SGK1: variants seen among roughly 807,000 people sequenced by gnomAD.
SGK1 encodes the protein serum/glucocorticoid regulated kinase 1.
In SGK1, 26 loss-of-function variants were observed where a neutral mutation model predicts 64.2. The ratio of observed to expected loss-of-function variants is 0.40; its 90% CI spans 0.30 to 0.56. The LOEUF (loss-of-function observed/expected upper bound fraction) is 0.56, where lower values mean the gene tolerates loss of function less well. SGK1 is among the 20% of genes least tolerant of loss of function. The pLI is 0.38. For synonymous variants in SGK1, 265 were observed against 239.7 expected (o/e 1.11, Z -0.98); for missense variants, 519 against 645.6 (o/e 0.80, Z 2.12).
chr6:134,226,609 G>A (rs947579580), intron 2 of SGK1, among the ~76,000 whole-genome samples: 4 of 151,600 alleles, frequency 2.6e-5, no homozygotes, highest in African/African-American at 7.3e-5. Flanking sequence ...TGGGAGGATC[G>A]CCTAAGCCTC....
chr6:134,251,846 C>G (rs971427844), intron 2 of SGK1, among the ~76,000 whole-genome samples: 3 of 152,118 alleles, frequency 2.0e-5, no homozygotes, highest in African/African-American at 7.2e-5. Flanking sequence ...CCTCAATCTC[C>G]CAGGCTCAAG....
At chr6:134,172,562 A>T (rs952598771) in intron 9 of SGK1, 100 bp downstream of exon 9, 5 of 891,672 alleles carry the variant, frequency 5.6e-6, no homozygotes, top group African/African-American at 3.4e-5. Flanking sequence ...TAGGCAACCA[A>T]GTTGCAAATA....
At chr6:134,257,418 A>G (rs1284735917) in intron 2 of SGK1, among the ~76,000 whole-genome samples, 1 of 151,912 alleles carries the variant, frequency 6.6e-6, no homozygotes, top group African/African-American at 2.4e-5. Context: ...AAACCCAACA[A>G]ACAAAACAAA....
intron 1 of SGK1, among the ~76,000 whole-genome samples, chr6:134,299,002 T>C (rs1777405534): frequency 6.6e-6 from 1 of 151,850 alleles, no homozygotes; most frequent in South Asian, 2.1e-4. Flanking sequence ...GGTTTCACCA[T>C]GCTGGCCAGA....
At chr6:134,309,025 T>C (rs1777574690) in intron 1 of SGK1, among the ~76,000 whole-genome samples, 2 of 152,102 alleles carry the variant, frequency 1.3e-5, no homozygotes, top group South Asian at 4.1e-4. Context: ...TGCCCTGACC[T>C]AGGAGGGAAA....
At chr6:134,262,271 G>A in intron 1 of SGK1, 123 bp from the exon 2 acceptor site, 1 of 656,186 alleles carries the variant, frequency 1.5e-6, no homozygotes, top group Non-Finnish European at 2.7e-6. Context: ...CTCACAACCT[G>A]TCTATCTTTC....
rs931450630 is a variant in SGK1 at position 134,291,722 on chromosome 6, T to A, written c.69+25670A>T. 5.3e-5 allele frequency among the ~76,000 whole-genome samples: 8 copies of A among 152,344 alleles called. No homozygotes were observed. The East Asian group carries it at 1.5e-3, about 29-fold the overall frequency. The stretch of plus-strand genomic sequence containing the variant: ...ACTTATTCTATTTTATGGGATGAAC[T>A]GTTGCCTGATTCTAAAATTGCAATA... On this transcript the variant is annotated intron_variant, in intron 1 of 13. Transcript: ENST00000367858.
At chr6:134,272,366 C>A (rs1301714551) in intron 1 of SGK1, among the ~76,000 whole-genome samples, 1 of 140,782 alleles carries the variant, frequency 7.1e-6, no homozygotes, top group African/African-American at 2.5e-5. Context: ...GTTGACCAGG[C>A]TGGTCTCAAA....
intron 1 of SGK1, chr6:134,298,556 C>G: frequency 3.6e-6 from 3 of 834,308 alleles, no homozygotes; most frequent in South Asian, 1.4e-5. Context: ...CCAGGCTACC[C>G]TGGAAGCTGC....
At chr6:134,174,890 T>TA (rs1413764293) in intron 3 of SGK1, 8 of 1,590,764 alleles carry the variant, frequency 5.0e-6, no homozygotes, top group African/African-American at 1.4e-5. Context: ...CTCGGCCTTA[T>TA]AAAAAAGGCA....
chr6:134,181,488 G>A (rs955429768), intron 3 of SGK1, among the ~76,000 whole-genome samples: 2 of 152,186 alleles, frequency 1.3e-5, no homozygotes, highest in African/African-American at 4.8e-5. Flanking sequence ...GGGATTACAG[G>A]CACGTGCCAC....
chr6:134,192,195 C>T (rs1743959), intron 3 of SGK1, among the ~76,000 whole-genome samples: 45,114 of 151,536 alleles, frequency 0.3, 7,633 homozygotes, highest in East Asian at 0.57. Context: ...CAACTCCTGA[C>T]CTCAAGTGAT....
intron 1 of SGK1, among the ~76,000 whole-genome samples, chr6:134,311,772 A>T (rs2114803096): frequency 6.6e-6 from 1 of 152,224 alleles, no homozygotes; most frequent in Admixed American, 6.5e-5. Flanking sequence ...CTCAAGAGGA[A>T]CTCAAACAGC....
intron 3 of SGK1, among the ~76,000 whole-genome samples, chr6:134,175,172 G>A (rs1032485814): frequency 2.0e-5 from 3 of 152,164 alleles, no homozygotes; most frequent in Non-Finnish European, 4.4e-5. Flanking sequence ...GAGAGCCCGG[G>A]GTAGTTTTCC....
At chr6:134,206,883 A>G (rs1451485651) in intron 3 of SGK1, among the ~76,000 whole-genome samples, 5 of 103,868 alleles carry the variant, frequency 4.8e-5, no homozygotes, top group Non-Finnish European at 8.8e-5. Flanking sequence ...AAAAAAAAAA[A>G]CAAAAAAAAA....
At chr6:134,316,960 T>C (rs1303404110) in intron 1 of SGK1, among the ~76,000 whole-genome samples, 3 of 152,122 alleles carry the variant, frequency 2.0e-5, no homozygotes, top group Non-Finnish European at 2.9e-5. Flanking sequence ...CGAACGAAGA[T>C]GATAATGCAT....
chr6:134,194,520 CTT>C (rs71708614), intron 3 of SGK1, among the ~76,000 whole-genome samples: 25 of 138,650 alleles, frequency 1.8e-4, no homozygotes, highest in Admixed American at 2.2e-4. Flanking sequence ...AAAAGTTTTT[CTT>C]TTTTTTTTTT....
At chr6:134,176,623 C>T (rs1054385403) in intron 3 of SGK1, among the ~76,000 whole-genome samples, 3 of 152,224 alleles carry the variant, frequency 2.0e-5, no homozygotes, top group Admixed American at 2.0e-4. Flanking sequence ...TCTGCGGTGG[C>T]TGCCCTGCCA....
In SGK1 at chr6:134,269,804, G is replaced by A. The variant is rs1384590037; in HGVS notation, c.70-7656C>T. ...AAATTCATCTCACACTGATACTGGA[G>A]CCTGAAGCTGCTTCATAGCATGTCT... is the stretch of plus-strand genomic sequence containing the variant. On this transcript the variant is annotated intron_variant, in intron 1 of 13. Coordinates refer to ENST00000367858, the MANE Select transcript of SGK1 (RefSeq NM_001143676.3). Among the ~76,000 whole-genome samples, 2 of 148,196 alleles carry A rather than the reference G, an allele frequency of 1.3e-5. 1 individual carries two copies. The highest frequency in any genetic ancestry group is 3.0e-5 in the Non-Finnish European group (2 of 66,834).
Sources: allele counts gnomAD v4.1 joint callset (sites outside exome capture counted in the v4.1 genomes callset), GRCh38; gene constraint gnomAD v4.1.1; transcripts MANE v1.5; gene names NCBI Gene and HGNC (gene_info 2026-07-23, HGNC 2026-07-21).